Variants in RABGAP1 observed in about 807,000 individuals in gnomAD.
RABGAP1 encodes the protein rab GTPase-activating protein 1.
In RABGAP1, 23 loss-of-function variants were observed where a neutral mutation model predicts 137.6. The ratio of observed to expected loss-of-function variants is 0.17; its 90% CI spans 0.12 to 0.24. The LOEUF (loss-of-function observed/expected upper bound fraction) is 0.24, where lower values mean the gene tolerates loss of function less well. Among genes scored for constraint, RABGAP1 ranks in the 10% least tolerant of loss-of-function variants. The probability of loss-of-function intolerance (pLI) is 1.00; values close to 1 mark genes in which losing one functional copy is unlikely to be tolerated. For synonymous variants in RABGAP1, 451 were observed against 450.7 expected (o/e 1.00, Z -0.01); for missense variants, 906 against 1,275.8 (o/e 0.71, Z 4.42).
chr9:122,983,697 G>A (rs558880552), intron 2 of RABGAP1, among the ~76,000 whole-genome samples: 19 of 152,128 alleles, frequency 1.2e-4, no homozygotes, highest in South Asian at 2.1e-4. Context: ...CCATGACTTC[G>A]TTTTTCTAAC....
At chr9:122,990,567 C>G (rs1313309387) in intron 6 of RABGAP1, 1 of 154,272 alleles carries the variant, frequency 6.5e-6, no homozygotes, top group Non-Finnish European at 1.4e-5. Flanking sequence ...GTCGGGAGTT[C>G]GAGATGAGCC....
chr9:123,089,697 G>T, intron 19 of RABGAP1, 61 bp from the exon 20 acceptor site: 46 of 1,305,362 alleles, frequency 3.5e-5, no homozygotes, highest in Non-Finnish European at 4.2e-5. Flanking sequence ...CTTCAGTGCA[G>T]GCACTGAAGC....
chr9:123,092,752 G>A (rs1049845730), intron 21 of RABGAP1, among the ~76,000 whole-genome samples: 2 of 152,192 alleles, frequency 1.3e-5, no homozygotes, highest in South Asian at 2.1e-4. Context: ...AGAGTAGGCC[G>A]TGTTGTAGAA....
At chr9:122,991,038 G>C (rs1457478087) in intron 6 of RABGAP1, among the ~76,000 whole-genome samples, 1 of 151,338 alleles carries the variant, frequency 6.6e-6, no homozygotes, top group African/African-American at 2.4e-5. Flanking sequence ...TGTAGGGTTA[G>C]AAGTGACTGA....
At chr9:123,076,818 C>A in intron 19 of RABGAP1, 56 bp downstream of exon 19, 1 of 1,305,800 alleles carries the variant, frequency 7.7e-7, no homozygotes, top group South Asian at 1.9e-5. Flanking sequence ...TCTCACTATT[C>A]CTGATCATTT....
intron 1 of RABGAP1, among the ~76,000 whole-genome samples, chr9:122,942,504 T>C (rs1833640324): frequency 6.6e-6 from 1 of 151,950 alleles, no homozygotes; most frequent in Non-Finnish European, 1.5e-5. Context: ...ACCAGGTCTC[T>C]ACTGAAAATA....
chr9:123,014,627 G>C (rs1449163754), intron 11 of RABGAP1, among the ~76,000 whole-genome samples: 2 of 150,218 alleles, frequency 1.3e-5, no homozygotes, highest in African/African-American at 4.9e-5. Context: ...ACCCGACCGA[G>C]ACTGAGTAAT....
intron 22 of RABGAP1, 106 bp downstream of exon 22, chr9:123,097,951 A>G (rs1407835416): frequency 2.3e-5 from 21 of 902,898 alleles, no homozygotes; most frequent in Non-Finnish European, 3.3e-5. Flanking sequence ...ATCTGGCTTC[A>G]GTTTCTTTCC....
chr9:122,991,628 C>A (rs923038653), intron 6 of RABGAP1, among the ~76,000 whole-genome samples: 3 of 141,956 alleles, frequency 2.1e-5, no homozygotes, highest in Non-Finnish European at 4.5e-5. Flanking sequence ...TTTTGAGATA[C>A]GCCTCACGCT....
chr9:122,986,183 G>C (rs756808249), intron 3 of RABGAP1, 32 bp from the exon 4 acceptor site: 1 of 1,578,844 alleles, frequency 6.3e-7, no homozygotes, highest in East Asian at 2.2e-5. Flanking sequence ...CAAAGTGAAA[G>C]TAATCACTTC....
intron 2 of RABGAP1, among the ~76,000 whole-genome samples, chr9:122,969,090 G>A (rs1231163318): frequency 6.6e-6 from 1 of 152,184 alleles, no homozygotes; most frequent in African/African-American, 2.4e-5. Context: ...ATGTATGAAG[G>A]TGGTCCCAAA....
At position 122,998,647 on chromosome 9, in the gene RABGAP1, C is replaced by G. The variant is rs1299872383; in HGVS notation, c.1255C>G (p.Gln419Glu). 1 of 1,611,906 alleles carries G rather than the reference C, an allele frequency of 6.2e-7. No individual in the cohort carries two copies. The highest frequency in any genetic ancestry group is 8.5e-7 in the Non-Finnish European group (1 of 1,178,108). Residue 419 changes from glutamine to glutamate, a missense_variant, in exon 10 of 26, where the codon CAG becomes GAG. Coordinates refer to ENST00000373647, the MANE Select transcript of RABGAP1 (RefSeq NM_012197.4). Reference protein sequence around the residue: ...TAVDLVITEVQEPVRFLLETK... With the variant: ...TAVDLVITEVEEPVRFLLETK... The stretch of plus-strand genomic sequence containing the variant: ...TGTAGATTTGGTAATAACAGAAGTA[C>G]AGGAGCCTGTTCGATTTCTCCTGGA...
intron 17 of RABGAP1, 27 bp from the exon 18 acceptor site, chr9:123,076,216 CAG>C (rs1378107319): frequency 1.9e-6 from 3 of 1,601,760 alleles, no homozygotes; most frequent in Non-Finnish European, 2.6e-6. Flanking sequence ...TAAAAACTGA[CAG>C]TGTTCTTTTT....
intron 2 of RABGAP1, among the ~76,000 whole-genome samples, chr9:122,972,977 T>C (rs1276945633): frequency 1.1e-4 from 1 of 9,028 alleles, no homozygotes; most frequent in Non-Finnish European, 6.1e-4. Context: ...TCTTTATATA[T>C]TAAAAAAAAA....
At chr9:122,957,302 G>A in intron 2 of RABGAP1, 93 bp downstream of exon 2, 4 of 1,002,744 alleles carry the variant, frequency 4.0e-6, no homozygotes, top group Non-Finnish European at 5.4e-6. Context: ...GGAGGAAAGT[G>A]AGAACATGGA....
chr9:123,009,738 A>G (rs950564309), intron 10 of RABGAP1, among the ~76,000 whole-genome samples: 1 of 152,204 alleles, frequency 6.6e-6, no homozygotes, highest in Admixed American at 6.5e-5. Context: ...CAGTTGGAGT[A>G]ATCAACATTT....
intron 13 of RABGAP1, among the ~76,000 whole-genome samples, chr9:123,051,237 T>G (rs1588337249): frequency 5.5e-5 from 4 of 72,080 alleles, no homozygotes; most frequent in Admixed American, 2.9e-4. Flanking sequence ...TTTTTTTTTT[T>G]TTTTTTTTTT....
chr9:122,998,847 T>A (rs1357453100), intron 10 of RABGAP1, 81 bp downstream of exon 10: 2 of 877,992 alleles, frequency 2.3e-6, no homozygotes, highest in Admixed American at 5.6e-5. Context: ...AGCCCTCAGA[T>A]CTTTAAACAG....
chr9:122,994,136 A>G (rs1836895413), intron 6 of RABGAP1, among the ~76,000 whole-genome samples: 1 of 152,220 alleles, frequency 6.6e-6, no homozygotes, highest in African/African-American at 2.4e-5. Flanking sequence ...AATAGAAATT[A>G]AATACTAAAT....
Sources: gnomAD v4.1 joint callset for allele counts (sites outside exome capture counted in the v4.1 genomes callset) on GRCh38, gnomAD v4.1.1 for gene constraint, MANE v1.5 for transcripts, NCBI Gene and HGNC (gene_info 2026-07-23, HGNC 2026-07-21) for gene names.